Variants in TPM1 observed in about 807,000 individuals in gnomAD.
TPM1 encodes the protein tropomyosin alpha-1 chain.
Under a neutral mutation model 42.9 loss-of-function variants are expected in TPM1, and 24 were observed. The observed-to-expected ratio is 0.56, with a 90% CI of 0.41 to 0.79. The LOEUF (loss-of-function observed/expected upper bound fraction) is 0.79. Ranked by LOEUF, TPM1 falls within the 30% of genes least tolerant of loss-of-function variation. TPM1 has a pLI of 0.00. For missense variants in TPM1, 158 were observed against 351.8 expected, an observed-to-expected ratio of 0.45 and a Z score of 4.41; for synonymous variants, 136 against 130.1, an observed-to-expected ratio of 1.05 and a Z score of -0.31.
intron 2 of TPM1, chr15:63,049,137 A>C (rs749640994): frequency 8.9e-6 from 2 of 224,144 alleles, no homozygotes; most frequent in Admixed American, 1.3e-4. Context: ...CGACAGGTCA[A>C]GTGGGAGAGG....
downstream of TPM1, chr15:63,070,171 A>T (rs573805348): frequency 7.4e-7 from 1 of 1,354,076 alleles, no homozygotes; most frequent in South Asian, 1.5e-5. Flanking sequence ...GAATACTTAT[A>T]TCAATTCAGC....
chr15:63,050,077 G>A (rs568244499), intron 2 of TPM1, among the ~76,000 whole-genome samples: 2 of 152,330 alleles, frequency 1.3e-5, no homozygotes, highest in South Asian at 2.1e-4. Flanking sequence ...GATAGTAACA[G>A]CATCTACCTG....
At chr15:63,057,423 A>G (rs1399993946) in intron 3 of TPM1, among the ~76,000 whole-genome samples, 2 of 152,236 alleles carry the variant, frequency 1.3e-5, no homozygotes, top group Non-Finnish European at 2.9e-5. Flanking sequence ...CAGGGATACA[A>G]GTTGGCCCTT....
downstream of TPM1, chr15:63,066,309 A>T: frequency 1.6e-6 from 1 of 617,958 alleles, no homozygotes; most frequent in Non-Finnish European, 2.2e-6. Context: ...ATTCCCTCTC[A>T]GAGTTCTGAT....
intron 2 of TPM1, chr15:63,049,038 T>G (rs1428836607): frequency 3.5e-5 from 12 of 345,960 alleles, no homozygotes; most frequent in Non-Finnish European, 2.2e-5. Flanking sequence ...CCCCGGGAGG[T>G]GCACTTTGCG....
intron 2 of TPM1, chr15:63,048,314 T>C: frequency 2.1e-6 from 2 of 950,636 alleles, no homozygotes; most frequent in Non-Finnish European, 3.0e-6. Context: ...GCCGCGAGCA[T>C]GCGCAGTGCC....
intron 2 of TPM1, chr15:63,056,100 G>A (rs1409554056): frequency 6.6e-6 from 1 of 152,234 alleles, no homozygotes; most frequent in African/African-American, 2.4e-5. Flanking sequence ...TCTAAAAGGG[G>A]TTACTGGATT....
At chr15:63,060,829 G>T in intron 4 of TPM1, 40 bp from the exon 5 acceptor site, 1 of 1,612,902 alleles carries the variant, frequency 6.2e-7, no homozygotes, top group Non-Finnish European at 8.5e-7. Flanking sequence ...CACAAAGCTT[G>T]CAAGACCCAT....
intron 2 of TPM1, chr15:63,044,383 G>A (rs929568381): frequency 5.9e-6 from 4 of 672,664 alleles, no homozygotes; most frequent in African/African-American, 3.6e-5. Context: ...CCTGGGGGTG[G>A]AGGTGGGTGG....
intron 7 of TPM1, 78 bp from the exon 8 acceptor site, chr15:63,062,498 C>T: frequency 6.5e-7 from 1 of 1,527,934 alleles, no homozygotes; most frequent in Non-Finnish European, 9.1e-7. Context: ...GCTTCATTTT[C>T]ATCCTCTAGT....
intron 2 of TPM1, among the ~76,000 whole-genome samples, chr15:63,050,986 C>T (rs1006675161): frequency 2.0e-5 from 3 of 152,198 alleles, no homozygotes; most frequent in Non-Finnish European, 4.4e-5. Flanking sequence ...TTGGAAAAAG[C>T]AGCCATCCCT....
intron 8 of TPM1, 193 bp from the exon 9 acceptor site, chr15:63,063,871 G>T: frequency 3.1e-6 from 2 of 652,010 alleles, no homozygotes; most frequent in Non-Finnish European, 5.0e-6. Context: ...TGTTCTCTTT[G>T]TTTTTGTTTC....
chr15:63,070,825 C>A, downstream of TPM1: 1 of 1,264,130 alleles, frequency 7.9e-7, no homozygotes, highest in Non-Finnish European at 1.0e-6. Flanking sequence ...TCACCAAACC[C>A]CACGTGCATT....
chr15:63,062,296 A>T lies in TPM1; in HGVS notation c.702+19A>T. On this transcript the variant is annotated intron_variant, in intron 7 of 9. Transcript: ENST00000403994. ...GAAGGAGGTAATATGAGAGTTGTGG[A>T]TGAAGCCAACTGGATTTTAAATGAG... 2 of 1,612,294 alleles carry T rather than the reference A, an allele frequency of 1.2e-6. No individual in the cohort carries two copies. The highest frequency in any genetic ancestry group is 1.7e-5 in the Admixed American group (1 of 60,012).
chr15:63,044,327 A>G, intron 2 of TPM1, 175 bp downstream of exon 2: 1 of 887,288 alleles, frequency 1.1e-6, no homozygotes, highest in South Asian at 1.4e-5. Flanking sequence ...GCACACATTC[A>G]TTTATATTTC....
intron 9 of TPM1, chr15:63,065,530 G>C: frequency 1.0e-6 from 1 of 985,234 alleles, no homozygotes; most frequent in Non-Finnish European, 1.2e-6. Context: ...GTAAATGAGG[G>C]GGTGGAGCAG....
At chr15:63,043,509 C>T in intron 1 of TPM1, 1 of 850,892 alleles carries the variant, frequency 1.2e-6, no homozygotes, top group South Asian at 1.4e-5. Context: ...AGTCTCGTCC[C>T]AGGGCAGGTG....
chr15:63,056,644 G>T, intron 2 of TPM1: 1 of 338,614 alleles, frequency 3.0e-6, no homozygotes, highest in South Asian at 2.4e-5. Flanking sequence ...CCCAGCCTGG[G>T]TGATAGAGCG....
chr15:63,064,459 G>T, intron 9 of TPM1: 1 of 1,160,884 alleles, frequency 8.6e-7, no homozygotes, highest in Non-Finnish European at 1.1e-6. Flanking sequence ...AAAACTAGAA[G>T]GCCATGCCGT....
Sources: gnomAD v4.1 joint callset for allele counts (sites outside exome capture counted in the v4.1 genomes callset) on GRCh38, gnomAD v4.1.1 for gene constraint, MANE v1.5 for transcripts, NCBI Gene and HGNC (gene_info 2026-07-23, HGNC 2026-07-21) for gene names.